Variants in VIT observed in about 807,000 individuals in gnomAD.
VIT encodes the protein vitrin.
In VIT, 99 loss-of-function variants were observed where a neutral mutation model predicts 78.0. The ratio of observed to expected loss-of-function variants is 1.27; its 90% confidence interval spans 1.08 to 1.50. The LOEUF (loss-of-function observed/expected upper bound fraction) is 1.50. Among genes scored for constraint, VIT ranks in the 40% most tolerant of loss-of-function variants. VIT has a pLI of 0.00. For missense variants in VIT, 1,126 were observed against 875.3 expected (o/e 1.29, Z -3.61); for synonymous variants, 374 against 334.3 (o/e 1.12, Z -1.29).
intron 1 of VIT, among the ~76,000 whole-genome samples, chr2:36,700,361 T>C (rs1447087850): frequency 1.3e-5 from 2 of 152,116 alleles, no homozygotes; most frequent in Non-Finnish European, 2.9e-5. Flanking sequence ...ACACATAGCA[T>C]TTTGCAAGAT....
intron 6 of VIT, among the ~76,000 whole-genome samples, chr2:36,763,213 G>A (rs951626403): frequency 2.0e-5 from 3 of 152,128 alleles, no homozygotes; most frequent in Admixed American, 6.5e-5. Flanking sequence ...CACGACCAGG[G>A]CCCTGGAACC....
intron 1 of VIT, among the ~76,000 whole-genome samples, chr2:36,705,559 A>G (rs1665364737): frequency 6.6e-6 from 1 of 152,206 alleles, no homozygotes; most frequent in South Asian, 2.1e-4. Flanking sequence ...TGGATCAACG[A>G]ACCTAATGGC....
intron 6 of VIT, among the ~76,000 whole-genome samples, chr2:36,766,391 G>T (rs1291288178): frequency 6.6e-6 from 1 of 152,072 alleles, no homozygotes; most frequent in Non-Finnish European, 1.5e-5. Context: ...AATTAGGCAG[G>T]TATGGTGTCT....
At position 36,805,504 on chromosome 2, in the gene VIT, C is replaced by G. The variant is rs1473706732; in HGVS notation, c.1229C>G (p.Pro410Arg). Residue 410 changes from proline (P) to arginine (R), a missense_variant, in exon 14 of 16, where the codon CCC (proline) becomes CGC (arginine). Transcript: ENST00000379242. ...SKANGNRSGA[P>R]NVVVVMVDGW... Reference sequence around the variant, plus strand: ...GCCAATGGAAACAGAAGCGGGGCTCCCAATGTGGTGGTGGTGATGGTGGAT... The same window carrying G: ...GCCAATGGAAACAGAAGCGGGGCTCGCAATGTGGTGGTGGTGATGGTGGAT... 7.4e-6 allele frequency: 12 copies of G among 1,613,784 alleles called. No homozygotes were observed. Among genetic ancestry groups the G allele is most frequent in the Non-Finnish European group, 1.0e-5 (12 of 1,179,964 alleles).
At chr2:36,721,911 A>G (rs1277080557) in intron 2 of VIT, among the ~76,000 whole-genome samples, 1 of 152,056 alleles carries the variant, frequency 6.6e-6, no homozygotes. Context: ...TGACCTTGTC[A>G]TTTTTCTGGG....
chr2:36,795,130 C>T (rs1354320203), intron 12 of VIT, among the ~76,000 whole-genome samples: 1 of 152,152 alleles, frequency 6.6e-6, no homozygotes, highest in Non-Finnish European at 1.5e-5. Flanking sequence ...AGTGCCTGTT[C>T]TCAAGTAGGT....
At chr2:36,710,380 C>T (rs756609481) in intron 1 of VIT, among the ~76,000 whole-genome samples, 1 of 152,132 alleles carries the variant, frequency 6.6e-6, no homozygotes, top group Non-Finnish European at 1.5e-5. Context: ...GAAAACGCCT[C>T]CTACTCTCTA....
chr2:36,743,353 C>G, intron 4 of VIT, 97 bp downstream of exon 4: 1 of 1,263,924 alleles, frequency 7.9e-7, no homozygotes, highest in Non-Finnish European at 1.1e-6. Flanking sequence ...CAAAAATATA[C>G]AAATATTTTT....
chr2:36,780,986 A>C (rs1664710720), intron 9 of VIT, among the ~76,000 whole-genome samples: 1 of 150,436 alleles, frequency 6.6e-6, no homozygotes, highest in African/African-American at 2.5e-5. Context: ...ATTGAGTAAG[A>C]CTCTCCTCCT....
Position 36,722,171 on chromosome 2 carries a change from T to A in VIT, c.52+5749T>A, listed in dbSNP as rs540934209. On this transcript the variant is annotated intron_variant, in intron 2 of 15. Coordinates refer to ENST00000379242, the MANE Select transcript of VIT (RefSeq NM_053276.4). ...AGGTAGCATGCTTGCTTTAGATATG[T>A]TTCAATGCATGATAGAGCAGAGTTT... Among the ~76,000 whole-genome samples, 6 of 152,348 alleles carry A rather than the reference T, an allele frequency of 3.9e-5. No homozygotes were observed. The South Asian group carries it at 1.0e-3, about 26-fold the overall frequency.
Position 36,736,095 on chromosome 2 carries a change from A to G in VIT, c.118+6604A>G, listed in dbSNP as rs143056724. Among the ~76,000 whole-genome samples, 416 of 152,274 alleles carry G rather than the reference A, an allele frequency of 2.7e-3. 4 individuals carry two copies. The highest frequency in any genetic ancestry group is 9.8e-3 in the African/African-American group (407 of 41,562). ...TTTCAAGGCTCTCATTTTCCTGATAAGTCTTAGAGCCATAGATCTAACCTT... is the reference window on the plus strand; with the variant it reads ...TTTCAAGGCTCTCATTTTCCTGATAGGTCTTAGAGCCATAGATCTAACCTT... On this transcript the variant is annotated intron_variant, in intron 3 of 15. Coordinates refer to ENST00000379242, the MANE Select transcript of VIT (RefSeq NM_053276.4).
intron 6 of VIT, among the ~76,000 whole-genome samples, chr2:36,766,125 C>A (rs1055474896): frequency 3.3e-5 from 5 of 152,226 alleles, no homozygotes; most frequent in African/African-American, 1.2e-4. Context: ...CAGAGATATT[C>A]TCAGAGCACT....
At chr2:36,759,282 T>A in intron 6 of VIT, 1 of 1,464,384 alleles carries the variant, frequency 6.8e-7, no homozygotes, top group South Asian at 1.4e-5. Context: ...TCTATATTTG[T>A]GTCATTTTCA....
chr2:36,719,324 G>A (rs1031028267), intron 2 of VIT, among the ~76,000 whole-genome samples: 2 of 152,118 alleles, frequency 1.3e-5, no homozygotes, highest in African/African-American at 4.8e-5. Flanking sequence ...GCATAGTACT[G>A]GAAGTCCTAC....
intron 15 of VIT, 61 bp downstream of exon 15, chr2:36,809,046 G>A: frequency 6.6e-7 from 1 of 1,516,226 alleles, no homozygotes; most frequent in Non-Finnish European, 8.8e-7. Context: ...TGGTGGGCCA[G>A]TGGGACAAGG....
chr2:36,774,915 A>C, intron 8 of VIT, 87 bp from the exon 9 acceptor site: 2 of 1,583,818 alleles, frequency 1.3e-6, no homozygotes, highest in Non-Finnish European at 1.7e-6. Flanking sequence ...AATCTGAACT[A>C]AGGTAATTTT....
At chr2:36,796,503 G>T (rs1228687912) in intron 12 of VIT, among the ~76,000 whole-genome samples, 5 of 152,054 alleles carry the variant, frequency 3.3e-5, no homozygotes, top group African/African-American at 1.2e-4. Flanking sequence ...AAAGAGACAG[G>T]GAATCGACAA....
chr2:36,812,099 C>G (rs1231976937), intron 15 of VIT, among the ~76,000 whole-genome samples: 1 of 152,220 alleles, frequency 6.6e-6, no homozygotes, highest in African/African-American at 2.4e-5. Context: ...CTCACTGACA[C>G]CTGGCAGCAC....
At chr2:36,756,547 C>T (rs1263458407) in intron 5 of VIT, among the ~76,000 whole-genome samples, 4 of 152,188 alleles carry the variant, frequency 2.6e-5, no homozygotes, top group Non-Finnish European at 5.9e-5. Flanking sequence ...TGATTAGAGT[C>T]GTTAGCAGGA....
Sources: allele counts gnomAD v4.1 joint callset (sites outside exome capture counted in the v4.1 genomes callset), GRCh38; gene constraint gnomAD v4.1.1; transcripts MANE v1.5; gene names NCBI Gene and HGNC (gene_info 2026-07-23, HGNC 2026-07-21).